The following DPYD variants were observed in gnomAD, a reference collection of about 807,000 sequenced individuals.
DPYD encodes dihydropyrimidine dehydrogenase.
In DPYD, 109 loss-of-function variants were observed where a neutral mutation model predicts 116.2. The ratio of observed to expected loss-of-function variants is 0.94; its 90% CI spans 0.80 to 1.10. The LOEUF (loss-of-function observed/expected upper bound fraction) is 1.10, where lower values mean the gene tolerates loss of function less well. DPYD is among the 50% of genes least tolerant of loss of function. The pLI is 0.00. For synonymous variants in DPYD, 440 were observed against 432.0 expected (o/e 1.02, Z -0.23); for missense variants, 1,302 against 1,254.5 (o/e 1.04, Z -0.57).
chr1:97,116,320 T>C (rs368111120), intron 20 of DPYD, among the ~76,000 whole-genome samples: 1 of 152,130 alleles, frequency 6.6e-6, no homozygotes, highest in East Asian at 1.9e-4. Context: ...GGGGGGGCTA[T>C]AGTGCATCTT....
chr1:97,771,180 G>A (rs1000700446), intron 3 of DPYD, among the ~76,000 whole-genome samples: 1 of 152,158 alleles, frequency 6.6e-6, no homozygotes, highest in Non-Finnish European at 1.5e-5. Context: ...AAATTAGCCA[G>A]TTGTGGTGGC....
intron 20 of DPYD, among the ~76,000 whole-genome samples, chr1:97,124,893 T>C (rs1176583799): frequency 6.6e-6 from 1 of 152,130 alleles, no homozygotes; most frequent in Non-Finnish European, 1.5e-5. Context: ...TCTAAAAACC[T>C]GTGGGCTCTA....
intron 14 of DPYD, among the ~76,000 whole-genome samples, chr1:97,415,218 A>G (rs1674225769): frequency 6.6e-6 from 1 of 152,152 alleles, no homozygotes; most frequent in South Asian, 2.1e-4. Context: ...CAACACACAT[A>G]GTTTTCAGAC....
chr1:97,807,180 A>C lies in DPYD; in HGVS notation c.233+20934T>G, dbSNP rs191224074. On this transcript the variant is annotated intron_variant, in intron 3 of 22. Transcript: ENST00000370192. ...TCAATTACTTTGGGTAAATGCCAAA[A>C]ATGCAATTGCTGGACTGGATAGTAA... is the stretch of plus-strand genomic sequence containing the variant. 5.6e-3 allele frequency among the ~76,000 whole-genome samples: 857 copies of C among 152,200 alleles called. 5 individuals carry two copies. The highest frequency in any genetic ancestry group is 7.8e-3 in the Non-Finnish European group (528 of 67,934).
intron 14 of DPYD, among the ~76,000 whole-genome samples, chr1:97,423,183 A>G (rs1182891693): frequency 1.3e-5 from 2 of 152,138 alleles, no homozygotes; most frequent in South Asian, 2.1e-4. Context: ...TGATTTTACT[A>G]GGGATGAGGT....
At chr1:97,193,013 G>C in intron 20 of DPYD, 56 bp downstream of exon 20, 1 of 1,590,642 alleles carries the variant, frequency 6.3e-7, no homozygotes, top group South Asian at 1.1e-5. Flanking sequence ...AATAAGATCT[G>C]AAATAGAAAC....
intron 13 of DPYD, 140 bp from the exon 14 acceptor site, chr1:97,450,363 T>C (rs1676345258): frequency 1.2e-6 from 1 of 839,636 alleles, no homozygotes; most frequent in Admixed American, 3.0e-5. Flanking sequence ...ATACATTAAA[T>C]TAGAATTGAA....
At chr1:97,261,034 G>A (rs764492585) in intron 18 of DPYD, among the ~76,000 whole-genome samples, 3 of 152,058 alleles carry the variant, frequency 2.0e-5, no homozygotes, top group Non-Finnish European at 2.9e-5. Context: ...AGAGATAATC[G>A]TTCACCATAA....
intron 3 of DPYD, among the ~76,000 whole-genome samples, chr1:97,740,822 TATG>T (rs1320421259): frequency 1.3e-5 from 2 of 152,192 alleles, no homozygotes; most frequent in Admixed American, 6.5e-5. Context: ...TGCAGTTTTT[TATG>T]ATAAGGTTTG....
chr1:97,436,681 C>T (rs2101747191), intron 14 of DPYD, among the ~76,000 whole-genome samples: 1 of 152,118 alleles, frequency 6.6e-6, no homozygotes, highest in Middle Eastern at 3.4e-3. Context: ...ACATGAACCA[C>T]CAGCATTTTA....
intron 11 of DPYD, among the ~76,000 whole-genome samples, chr1:97,557,747 G>A (rs1651851877): frequency 6.6e-6 from 1 of 152,094 alleles, no homozygotes; most frequent in African/African-American, 2.4e-5. Flanking sequence ...TTTTATCCTA[G>A]TTACTTCTTA....
At chr1:97,230,991 A>T (rs1224949777) in intron 19 of DPYD, among the ~76,000 whole-genome samples, 2 of 152,226 alleles carry the variant, frequency 1.3e-5, no homozygotes, top group African/African-American at 4.8e-5. Flanking sequence ...GCCTAAGTAG[A>T]AACTGACATT....
intron 14 of DPYD, among the ~76,000 whole-genome samples, chr1:97,423,546 C>T (rs1363733786): frequency 6.6e-6 from 1 of 152,010 alleles, no homozygotes; most frequent in Non-Finnish European, 1.5e-5. Flanking sequence ...CCTGGTGACC[C>T]GAATGAGTTA....
At chr1:97,594,329 G>C (rs1571024004) in intron 9 of DPYD, among the ~76,000 whole-genome samples, 1 of 152,136 alleles carries the variant, frequency 6.6e-6, no homozygotes, top group Non-Finnish European at 1.5e-5. Context: ...CAGTTCTACT[G>C]AGAGGCAGAA....
intron 18 of DPYD, among the ~76,000 whole-genome samples, chr1:97,287,837 C>T (rs1456288021): frequency 6.6e-6 from 1 of 152,062 alleles, no homozygotes; most frequent in African/African-American, 2.4e-5. Context: ...TCTGTCACCC[C>T]TTTCTTTGAC....
Position 97,286,289 on chromosome 1 carries a change from G to C in DPYD, c.2299+18970C>G, listed in dbSNP as rs568382566. Among the ~76,000 whole-genome samples the C allele has an allele frequency of 7.0e-3, 1,062 of 152,264 alleles. 22 individuals are homozygous for C. Among genetic ancestry groups the C allele is most frequent in the African/African-American group, 0.024 (1,000 of 41,534 alleles). On this transcript the variant is annotated intron_variant, in intron 18 of 22. Coordinates refer to ENST00000370192, the MANE Select transcript of DPYD (RefSeq NM_000110.4). ...TTGTAGAGTTTCTGCTGAGAGATCC[G>C]CTGTTAGTCTGATGGGCTTCCCTTT...
chr1:97,784,692 C>T (rs532525401), intron 3 of DPYD, among the ~76,000 whole-genome samples: 13 of 152,308 alleles, frequency 8.5e-5, no homozygotes, highest in Middle Eastern at 3.4e-3. Flanking sequence ...CCTTTTCAGA[C>T]AGTCTCTTCT....
chr1:97,728,401 T>G (rs12750863), intron 4 of DPYD, among the ~76,000 whole-genome samples: 1 of 152,086 alleles, frequency 6.6e-6, no homozygotes, highest in African/African-American at 2.4e-5. Context: ...AGCATGAAAC[T>G]GCATTAGTGT....
rs371363972 is a variant in DPYD at position 97,644,224 on chromosome 1, G to A, written c.850+34871C>T. ...GTATTGAATGCTATGTCTGTATATGGGGGAACTTGGAAAAGAAAATTTCAA... is the reference window on the plus strand; with the variant it reads ...GTATTGAATGCTATGTCTGTATATGAGGGAACTTGGAAAAGAAAATTTCAA... On this transcript the variant is annotated intron_variant, in intron 8 of 22. Transcript: ENST00000370192. Among the ~76,000 whole-genome samples the A allele has an allele frequency of 9.2e-5, 14 of 152,004 alleles. No individual in the cohort carries two copies. The East Asian group carries it at 2.3e-3, about 25-fold the overall frequency.
Sources: allele counts gnomAD v4.1 joint callset (sites outside exome capture counted in the v4.1 genomes callset), GRCh38; gene constraint gnomAD v4.1.1; transcripts MANE v1.5; gene names NCBI Gene and HGNC (gene_info 2026-07-23, HGNC 2026-07-21).